GNB4: variants seen among roughly 807,000 people sequenced by gnomAD.
GNB4 encodes the protein G protein subunit beta 4, also known as guanine nucleotide-binding protein subunit beta-4.
A neutral mutation model predicts 45.2 loss-of-function variants in GNB4; 28 were observed. The ratio of observed to expected loss-of-function variants is 0.62; its 90% confidence interval spans 0.46 to 0.85. The LOEUF (loss-of-function observed/expected upper bound fraction) is 0.85. Ranked by LOEUF, GNB4 falls within the 40% of genes least tolerant of loss-of-function variation. GNB4 has a pLI of 0.00. For missense variants in GNB4, 321 were observed against 425.4 expected (o/e 0.75, Z 2.16); for synonymous variants, 132 against 143.7 (o/e 0.92, Z 0.58).
At chr3:179,459,058 T>A in the GNB4 span, among the ~76,000 whole-genome samples, 50,847 of 152,090 alleles carry the variant, frequency 0.33, 9,145 homozygotes, top group African/African-American at 0.48. Flanking sequence ...AATATTATTA[T>A]TCCCGTTGTG....
At chr3:179,514,557 T>G in the GNB4 span, among the ~76,000 whole-genome samples, 2 of 152,140 alleles carry the variant, frequency 1.3e-5, no homozygotes, top group African/African-American at 4.8e-5. Flanking sequence ...GTACCCGTAT[T>G]TGGAGATAGA....
At chr3:179,517,534 GTCC>G in the GNB4 span, among the ~76,000 whole-genome samples, 1 of 152,116 alleles carries the variant, frequency 6.6e-6, no homozygotes, top group African/African-American at 2.4e-5. Context: ...TCAATCTCCT[GTCC>G]TCCTGCTCTT....
At chr3:179,482,402 C>T in the GNB4 span, among the ~76,000 whole-genome samples, 189 of 152,136 alleles carry the variant, frequency 1.2e-3, no homozygotes, top group African/African-American at 4.0e-3. Context: ...GTGGTGATGA[C>T]GCAAGCGGTT....
chr3:179,520,739 C>T, the GNB4 span, among the ~76,000 whole-genome samples: 3 of 152,314 alleles, frequency 2.0e-5, no homozygotes, highest in South Asian at 2.1e-4. Flanking sequence ...CCTGATACCA[C>T]ACCTGACCCC....
Position 179,446,305 on chromosome 3 carries a change from G to A in GNB4, c.-43+5041C>T, listed in dbSNP as rs148150436. ...GCTTCACCACTTGTGTACGTTAACC[G>A]ACACATGGTAGTCAATAAAGGTTCA... On this transcript the variant is annotated intron_variant, in intron 1 of 9. Transcript: ENST00000232564. Among the ~76,000 whole-genome samples the A allele has an allele frequency of 1.1e-4, 16 of 152,306 alleles. No individual in the cohort carries two copies. The East Asian group carries it at 1.4e-3, about 13-fold the overall frequency.
the GNB4 span, among the ~76,000 whole-genome samples, chr3:179,521,691 C>T: frequency 1.3e-5 from 2 of 152,152 alleles, no homozygotes; most frequent in African/African-American, 2.4e-5. Context: ...AATAAATAAT[C>T]TTTGCTGGCA....
chr3:179,523,242 A>G, the GNB4 span, among the ~76,000 whole-genome samples: 1 of 152,104 alleles, frequency 6.6e-6, no homozygotes, highest in African/African-American at 2.4e-5. Context: ...GGGATGAGGA[A>G]GAAATTTGGG....
the GNB4 span, chr3:179,464,373 T>C: frequency 1.1e-6 from 1 of 933,088 alleles, no homozygotes. Context: ...CATGTCCAGG[T>C]TGGCTGCCTG....
intron 1 of GNB4, among the ~76,000 whole-genome samples, chr3:179,446,828 C>T (rs956591621): frequency 9.9e-5 from 15 of 152,166 alleles, no homozygotes; most frequent in African/African-American, 3.6e-4. Context: ...CCGTCTTCTC[C>T]ATTTGAAACG....
At chr3:179,452,737 C>A (rs13326042), upstream of GNB4, among the ~76,000 whole-genome samples, 4,597 of 152,030 alleles carry the variant, frequency 0.03, 217 homozygotes, top group African/African-American at 0.11. Flanking sequence ...ATTTTTCCCC[C>A]AAAATTTTCA....
the GNB4 span, among the ~76,000 whole-genome samples, chr3:179,504,002 C>T: frequency 1.3e-5 from 2 of 152,244 alleles, no homozygotes; most frequent in South Asian, 2.1e-4. Flanking sequence ...ACTCCCAGAT[C>T]GTTCCAAGCA....
chr3:179,465,270 C>T, the GNB4 span: 1 of 1,492,814 alleles, frequency 6.7e-7, no homozygotes, highest in Non-Finnish European at 9.3e-7. Flanking sequence ...ACTCCAGTTC[C>T]TGGAGGTGTT....
At chr3:179,464,695 T>G in the GNB4 span, 5 of 1,064,814 alleles carry the variant, frequency 4.7e-6, no homozygotes, top group Non-Finnish European at 5.9e-6. Context: ...TTGAATTTAA[T>G]CAGCAAACTG....
chr3:179,439,385 C>A (rs764243280), intron 1 of GNB4, among the ~76,000 whole-genome samples: 2 of 152,218 alleles, frequency 1.3e-5, no homozygotes, highest in Non-Finnish European at 2.9e-5. Context: ...CCCAGACTCA[C>A]TAAGCCTAAA....
At chr3:179,438,187 C>G (rs1715509208) in intron 1 of GNB4, among the ~76,000 whole-genome samples, 1 of 152,188 alleles carries the variant, frequency 6.6e-6, no homozygotes, top group Admixed American at 6.5e-5. Context: ...GTACACAACT[C>G]TGTGTAGTAA....
the GNB4 span, among the ~76,000 whole-genome samples, chr3:179,489,019 A>ATTTT: frequency 4.7e-5 from 1 of 21,386 alleles, no homozygotes; most frequent in Non-Finnish European, 7.7e-5. Flanking sequence ...AAAAAAAAAA[A>ATTTT]ATATATATAT....
chr3:179,510,659 C>A, the GNB4 span, among the ~76,000 whole-genome samples: 1 of 151,372 alleles, frequency 6.6e-6, no homozygotes, highest in Non-Finnish European at 1.5e-5. Context: ...TTTTCTGGAA[C>A]AAAATCTCCG....
intron 1 of GNB4, among the ~76,000 whole-genome samples, chr3:179,441,467 C>T (rs969319720): frequency 2.6e-5 from 4 of 152,128 alleles, no homozygotes; most frequent in African/African-American, 9.7e-5. Flanking sequence ...GGCATGGTGG[C>T]TCATGCCTGT....
At chr3:179,526,610 T>C in the GNB4 span, among the ~76,000 whole-genome samples, 16 of 152,028 alleles carry the variant, frequency 1.1e-4, no homozygotes, top group African/African-American at 3.9e-4. Context: ...CTCTCCTGTA[T>C]GTCTCTATTT....
Sources: allele counts gnomAD v4.1 joint callset (sites outside exome capture counted in the v4.1 genomes callset), GRCh38; gene constraint gnomAD v4.1.1; transcripts MANE v1.5; gene names NCBI Gene and HGNC (gene_info 2026-07-23, HGNC 2026-07-21).